KAZN: variants seen among roughly 807,000 people sequenced by gnomAD.
KAZN encodes the protein kazrin, periplakin interacting protein.
KAZN carries 40 observed loss-of-function variants against 87.4 expected under a neutral mutation model. That is an observed-to-expected ratio of 0.46 (90% CI 0.36 to 0.60). The LOEUF (loss-of-function observed/expected upper bound fraction) is 0.60. Ranked by LOEUF, KAZN falls within the 20% of genes least tolerant of loss-of-function variation. KAZN has a pLI of 0.00. For missense variants in KAZN, 898 were observed against 1,073.9 expected (o/e 0.84, Z 2.29); for synonymous variants, 466 against 458.3 (o/e 1.02, Z -0.22).
chr1:15,063,494 C>T (rs1006184597), intron 6 of KAZN, 78 bp from the exon 7 acceptor site: 50 of 1,268,914 alleles, frequency 3.9e-5, no homozygotes, highest in Non-Finnish European at 5.6e-5. Flanking sequence ...CGGAAGGCCC[C>T]ACACCGCACG....
At chr1:14,245,993 T>C (rs950271331) in intron 2 of KAZN, among the ~76,000 whole-genome samples, 2 of 152,228 alleles carry the variant, frequency 1.3e-5, no homozygotes, top group African/African-American at 2.4e-5. Flanking sequence ...GGAGTATTAA[T>C]GTAGCCATAA....
intron 1 of KAZN, among the ~76,000 whole-genome samples, chr1:14,812,686 T>G (rs1279433541): frequency 6.6e-6 from 1 of 152,272 alleles, no homozygotes; most frequent in East Asian, 1.9e-4. Context: ...GCTAATTTTT[T>G]AAATTTTTTG....
At chr1:14,977,821 C>A (rs1665804301) in intron 2 of KAZN, among the ~76,000 whole-genome samples, 1 of 151,716 alleles carries the variant, frequency 6.6e-6, no homozygotes, top group Non-Finnish European at 1.5e-5. Context: ...ACTCGCTTGC[C>A]TGGGCAGGGC....
intron 2 of KAZN, among the ~76,000 whole-genome samples, chr1:14,579,938 T>G (rs1294421322): frequency 6.6e-6 from 1 of 152,096 alleles, no homozygotes; most frequent in African/African-American, 2.4e-5. Context: ...ACTTTATTAT[T>G]TTCTAGGACA....
At chr1:14,892,519 C>G (rs917762816) in intron 1 of KAZN, among the ~76,000 whole-genome samples, 1 of 152,102 alleles carries the variant, frequency 6.6e-6, no homozygotes, top group African/African-American at 2.4e-5. Flanking sequence ...TTCTCCCTCC[C>G]CTGACAGCCC....
Position 15,090,708 on chromosome 1 carries a change from C to T in KAZN, c.1223-3472C>T, listed in dbSNP as rs117475707. 9.7e-4 allele frequency among the ~76,000 whole-genome samples: 148 copies of T among 152,350 alleles called. 3 individuals carry two copies. The East Asian group carries it at 0.027, about 27-fold the overall frequency. ...GGCTTAGGCTCACTGAGAAGGGAAACGTGATAATGTTGGCAGTGACCTCTC... is the reference window on the plus strand; with the variant it reads ...GGCTTAGGCTCACTGAGAAGGGAAATGTGATAATGTTGGCAGTGACCTCTC... On this transcript the variant is annotated intron_variant, in intron 8 of 14. Coordinates refer to ENST00000376030, the MANE Select transcript of KAZN (RefSeq NM_201628.3).
intron 1 of KAZN, among the ~76,000 whole-genome samples, chr1:14,094,833 A>G (rs1440923468): frequency 6.6e-6 from 1 of 152,202 alleles, no homozygotes; most frequent in Non-Finnish European, 1.5e-5. Flanking sequence ...GAGGCACTTC[A>G]GGGTTGGACA....
chr1:13,968,362 G>A (rs1482606363), intron 1 of KAZN, among the ~76,000 whole-genome samples: 3 of 152,138 alleles, frequency 2.0e-5, no homozygotes, highest in Non-Finnish European at 2.9e-5. Context: ...AGGTCCAGAC[G>A]GAACAGTGCC....
chr1:14,751,804 C>T lies in KAZN; in HGVS notation c.226+152581C>T, dbSNP rs144071034. On this transcript the variant is annotated intron_variant, in intron 1 of 14. Transcript: ENST00000376030. ...TAGTGATCACAGCACCTTTTCCCAACAGTCCTAGACTGGCATAGGATCCTT... is the reference window on the plus strand; with the variant it reads ...TAGTGATCACAGCACCTTTTCCCAATAGTCCTAGACTGGCATAGGATCCTT... Among the ~76,000 whole-genome samples the T allele has an allele frequency of 7.6e-4, 116 of 152,348 alleles. 1 individual carries two copies. In the East Asian group the frequency reaches 0.021, roughly 27 times the overall value.
chr1:15,065,926 C>T, intron 8 of KAZN, 173 bp downstream of exon 8: 1 of 1,436,606 alleles, frequency 7.0e-7, no homozygotes, highest in Non-Finnish European at 9.1e-7. Context: ...CACATGGGTG[C>T]TGGGTGTGGC....
intron 2 of KAZN, among the ~76,000 whole-genome samples, chr1:14,511,972 A>G (rs1227434174): frequency 6.6e-6 from 1 of 152,192 alleles, no homozygotes; most frequent in African/African-American, 2.4e-5. Flanking sequence ...GGAGGAGGCC[A>G]TGGAAGAATT....
chr1:14,276,158 AG>A (rs200247780), intron 2 of KAZN, among the ~76,000 whole-genome samples: 5 of 85,352 alleles, frequency 5.9e-5, no homozygotes, highest in Admixed American at 5.8e-4. Flanking sequence ...GTTCGCTATA[AG>A]GGTGTGTGTG....
At position 14,410,781 on chromosome 1, in the gene KAZN, G is replaced by T. The variant is rs542689907; in HGVS notation, c.250-188202G>T. 4.9e-4 allele frequency among the ~76,000 whole-genome samples: 74 copies of T among 152,262 alleles called. 2 individuals are homozygous for T. Among genetic ancestry groups the T allele is most frequent in the Middle Eastern group, 3.4e-3 (1 of 294 alleles). Reference sequence around the variant, plus strand: ...AGATGCTGGCCTTGGAGATGAGAGTGGTGTGGCCAATAACCAAAAGATGCC... The same window carrying T: ...AGATGCTGGCCTTGGAGATGAGAGTTGTGTGGCCAATAACCAAAAGATGCC... On this transcript the variant is annotated intron_variant, in intron 2 of 16. Transcript: ENST00000636203.
intron 1 of KAZN, among the ~76,000 whole-genome samples, chr1:14,095,880 G>A (rs927614527): frequency 6.6e-6 from 1 of 152,096 alleles, no homozygotes; most frequent in Non-Finnish European, 1.5e-5. Context: ...AGATTCAGAA[G>A]GATGGGACAT....
intron 1 of KAZN, among the ~76,000 whole-genome samples, chr1:13,976,689 G>A (rs1250619673): frequency 6.6e-6 from 1 of 152,036 alleles, no homozygotes; most frequent in East Asian, 1.9e-4. Context: ...TATGACTCAC[G>A]CTATTACAGT....
intron 1 of KAZN, among the ~76,000 whole-genome samples, chr1:14,867,849 A>G (rs1351585580): frequency 7.3e-6 from 1 of 137,144 alleles, no homozygotes. Context: ...TGAGCCAGTG[A>G]TGTATATAAG....
intron 1 of KAZN, among the ~76,000 whole-genome samples, chr1:14,149,643 G>A (rs1418537218): frequency 6.6e-6 from 1 of 152,118 alleles, no homozygotes; most frequent in African/African-American, 2.4e-5. Flanking sequence ...AAATTTGCTG[G>A]AATCTCTGAG....
chr1:14,941,304 T>C (rs1275197799), intron 1 of KAZN, among the ~76,000 whole-genome samples: 1 of 152,154 alleles, frequency 6.6e-6, no homozygotes, highest in Non-Finnish European at 1.5e-5. Context: ...AGTGGCAAGT[T>C]CACATATTCC....
At chr1:14,682,719 C>T (rs762514116) in intron 1 of KAZN, among the ~76,000 whole-genome samples, 35 of 152,232 alleles carry the variant, frequency 2.3e-4, no homozygotes, top group Admixed American at 6.5e-4. Flanking sequence ...CGTGGAATTA[C>T]CTTGCCCTAA....
Sources: gnomAD v4.1 joint callset for allele counts (sites outside exome capture counted in the v4.1 genomes callset) on GRCh38, gnomAD v4.1.1 for gene constraint, MANE v1.5 for transcripts, NCBI Gene and HGNC (gene_info 2026-07-23, HGNC 2026-07-21) for gene names.